The following SHISA9 variants were observed in gnomAD, a reference collection of about 807,000 sequenced individuals.
SHISA9 encodes protein shisa-9.
Under a neutral mutation model 38.0 loss-of-function variants are expected in SHISA9, and 13 were observed. The ratio of observed to expected loss-of-function variants is 0.34; its 90% CI spans 0.22 to 0.54. The LOEUF is 0.54. SHISA9 is among the 20% of genes least tolerant of loss of function. The pLI is 0.91. For synonymous variants in SHISA9, 275 were observed against 242.0 expected, an observed-to-expected ratio of 1.14 and a Z score of -1.27; for missense variants, 538 against 575.8, an observed-to-expected ratio of 0.93 and a Z score of 0.67.
the SHISA9 span, among the ~76,000 whole-genome samples, chr16:13,370,376 G>A: frequency 0.79 from 119,828 of 152,118 alleles, 47,349 homozygotes; most frequent in East Asian, 0.96. Context: ...AAAGGTCCTG[G>A]AACAAGAAAT....
At chr16:13,003,960 G>A (rs1567178488) in intron 2 of SHISA9, among the ~76,000 whole-genome samples, 1 of 152,068 alleles carries the variant, frequency 6.6e-6, no homozygotes, top group Admixed American at 6.6e-5. Flanking sequence ...ATGTGCCTAG[G>A]CTAAGCTATG....
At chr16:13,017,169 G>A (rs941751623) in intron 2 of SHISA9, among the ~76,000 whole-genome samples, 1 of 151,772 alleles carries the variant, frequency 6.6e-6, no homozygotes, top group Non-Finnish European at 1.5e-5. Context: ...ACAGGCCCCC[G>A]CCACCATGCC....
At chr16:13,515,590 C>T in the SHISA9 span, among the ~76,000 whole-genome samples, 1 of 152,112 alleles carries the variant, frequency 6.6e-6, no homozygotes, top group African/African-American at 2.4e-5. Context: ...GCCTCTCAAA[C>T]AAGTTATATA....
At chr16:13,157,061 C>T (rs1161873762) in intron 2 of SHISA9, among the ~76,000 whole-genome samples, 1 of 152,166 alleles carries the variant, frequency 6.6e-6, no homozygotes, top group African/African-American at 2.4e-5. Flanking sequence ...CTGTGTTCCA[C>T]TCTTTCTTGG....
the SHISA9 span, among the ~76,000 whole-genome samples, chr16:13,389,493 A>C: frequency 1.8e-3 from 278 of 152,364 alleles, 5 homozygotes; most frequent in African/African-American, 6.3e-3. Flanking sequence ...TATGCTGTAC[A>C]TCTTAAATAT....
the SHISA9 span, among the ~76,000 whole-genome samples, chr16:13,296,616 T>C: frequency 6.6e-6 from 1 of 151,988 alleles, no homozygotes; most frequent in African/African-American, 2.4e-5. Context: ...ATTATTCCCT[T>C]TTTATAGATA....
chr16:12,966,699 G>C (rs2071982733), intron 2 of SHISA9, among the ~76,000 whole-genome samples: 1 of 152,176 alleles, frequency 6.6e-6, no homozygotes, highest in Non-Finnish European at 1.5e-5. Flanking sequence ...AGAAGGCCCT[G>C]TCTCATTCAT....
the SHISA9 span, among the ~76,000 whole-genome samples, chr16:13,414,610 A>G: frequency 0.01 from 1,471 of 145,890 alleles, 15 homozygotes; most frequent in Middle Eastern, 0.042. Flanking sequence ...GTTAATTACC[A>G]TGTTCGTTCG....
intron 2 of SHISA9, among the ~76,000 whole-genome samples, chr16:13,054,950 A>C (rs970265582): frequency 6.6e-6 from 1 of 152,152 alleles, no homozygotes; most frequent in African/African-American, 2.4e-5. Flanking sequence ...TCAAATTTCT[A>C]CTTATATGGC....
chr16:12,973,324 A>G (rs1355005283), intron 2 of SHISA9, among the ~76,000 whole-genome samples: 1 of 152,156 alleles, frequency 6.6e-6, no homozygotes, highest in Non-Finnish European at 1.5e-5. Context: ...CTCTGGACTG[A>G]ACTGATTCTT....
At chr16:13,284,624 G>A in the SHISA9 span, among the ~76,000 whole-genome samples, 1 of 152,126 alleles carries the variant, frequency 6.6e-6, no homozygotes, top group African/African-American at 2.4e-5. Context: ...GTAAGACAGA[G>A]TCTTGCTCTG....
At chr16:13,270,473 G>T in the SHISA9 span, among the ~76,000 whole-genome samples, 1 of 152,174 alleles carries the variant, frequency 6.6e-6, no homozygotes. Context: ...AAATGAGGGC[G>T]ATAGAATGAG....
chr16:13,539,501 T>C, the SHISA9 span, among the ~76,000 whole-genome samples: 1 of 151,672 alleles, frequency 6.6e-6, no homozygotes, highest in East Asian at 1.9e-4. Flanking sequence ...CTGTTGACAT[T>C]AGCATGTCAT....
At chr16:12,951,228 A>G (rs1467243738) in intron 2 of SHISA9, among the ~76,000 whole-genome samples, 1 of 135,766 alleles carries the variant, frequency 7.4e-6, no homozygotes, top group Non-Finnish European at 1.5e-5. Flanking sequence ...CTCCAAAAAA[A>G]AAAAAAAAAA....
the SHISA9 span, among the ~76,000 whole-genome samples, chr16:13,540,177 G>A: frequency 4.2e-5 from 6 of 143,356 alleles, no homozygotes; most frequent in Non-Finnish European, 7.6e-5. Flanking sequence ...ACAGATATAT[G>A]CATGTGCATA....
the SHISA9 span, among the ~76,000 whole-genome samples, chr16:13,443,126 C>A: frequency 3.2e-3 from 489 of 152,192 alleles, 4 homozygotes; most frequent in African/African-American, 0.011. Flanking sequence ...ACTGTTTTTT[C>A]TGGGAAAGTT....
chr16:13,024,979 T>A (rs1363847267), intron 2 of SHISA9, among the ~76,000 whole-genome samples: 1 of 152,186 alleles, frequency 6.6e-6, no homozygotes, highest in African/African-American at 2.4e-5. Context: ...GAAGGATGTC[T>A]TATCTCATGC....
At chr16:13,204,615 C>A (rs2051045310) in intron 3 of SHISA9, among the ~76,000 whole-genome samples, 1 of 152,230 alleles carries the variant, frequency 6.6e-6, no homozygotes, top group Admixed American at 6.5e-5. Context: ...TCCCAGGCAA[C>A]TTCTGCTCTT....
chr16:13,359,128 G>A, the SHISA9 span, among the ~76,000 whole-genome samples: 1 of 62,974 alleles, frequency 1.6e-5, no homozygotes, highest in African/African-American at 5.8e-5. Context: ...AGAATGTCCA[G>A]TTTTAGATCC....
Sources: allele counts gnomAD v4.1 joint callset (sites outside exome capture counted in the v4.1 genomes callset), GRCh38; gene constraint gnomAD v4.1.1; transcripts MANE v1.5; gene names NCBI Gene and HGNC (gene_info 2026-07-23, HGNC 2026-07-21).